Variants in SEL1L2 observed in about 807,000 individuals in gnomAD.
SEL1L2 encodes SEL1L2 adaptor subunit of SYVN1 ubiquitin ligase, also known as protein sel-1 homolog 2.
In SEL1L2, 89 loss-of-function variants were observed where a neutral mutation model predicts 98.8. That is an observed-to-expected ratio of 0.90 (90% confidence interval 0.76 to 1.07). SEL1L2 has a LOEUF of 1.07. Among genes scored for constraint, SEL1L2 ranks in the 50% least tolerant of loss-of-function variants. SEL1L2 has a pLI of 0.00. For missense variants in SEL1L2, 788 were observed against 812.0 expected (o/e 0.97, Z 0.36); for synonymous variants, 262 against 278.5 (o/e 0.94, Z 0.59).
chr20:13,970,097 A>G (rs1729355058), intron 1 of SEL1L2, among the ~76,000 whole-genome samples: 1 of 152,054 alleles, frequency 6.6e-6, no homozygotes, highest in Non-Finnish European at 1.5e-5. Context: ...TGTTTGATTA[A>G]ATACTTTTAT....
chr20:13,920,315 A>C (rs971666243), intron 3 of SEL1L2, among the ~76,000 whole-genome samples: 1 of 152,078 alleles, frequency 6.6e-6, no homozygotes, highest in Non-Finnish European at 1.5e-5. Flanking sequence ...CAGAGACAGA[A>C]TACTCATGAT....
At chr20:13,874,101 A>G (rs566092600) in intron 12 of SEL1L2, among the ~76,000 whole-genome samples, 1 of 152,144 alleles carries the variant, frequency 6.6e-6, no homozygotes, top group Non-Finnish European at 1.5e-5. Flanking sequence ...GCAGATGACA[A>G]AAGTATGGAG....
chr20:13,862,685 T>TTTA (rs1414004972), intron 17 of SEL1L2, among the ~76,000 whole-genome samples: 6 of 151,372 alleles, frequency 4.0e-5, no homozygotes, highest in East Asian at 1.9e-4. Context: ...ATTATTATTA[T>TTTA]TTATTATTAT....
At chr20:13,863,423 A>T (rs1990486507) in intron 17 of SEL1L2, among the ~76,000 whole-genome samples, 1 of 152,160 alleles carries the variant, frequency 6.6e-6, no homozygotes, top group Non-Finnish European at 1.5e-5. Flanking sequence ...CTGACAGTGG[A>T]GGGATTTCCA....
chr20:13,853,478 T>C (rs1437637105), intron 18 of SEL1L2, among the ~76,000 whole-genome samples: 1 of 152,158 alleles, frequency 6.6e-6, no homozygotes. Context: ...CCTCTCAAAG[T>C]ACTGGGATTA....
At position 13,861,552 on chromosome 20, in the gene SEL1L2, C is replaced by G. The variant is rs1811908380; in HGVS notation, c.1646-2118G>C. Among the ~76,000 whole-genome samples the G allele has an allele frequency of 2.0e-5, 3 of 152,100 alleles. No individual in the cohort carries two copies. In the South Asian group the frequency reaches 6.2e-4, roughly 31 times the overall value. ...ATCCAATTTACCCATTTAAAGGGTA[C>G]AGTCAAATGGTTTTTCATATATTCA... On this transcript the variant is annotated intron_variant, in intron 17 of 19. Coordinates refer to ENST00000284951, the MANE Select transcript of SEL1L2 (RefSeq NM_025229.2).
intron 5 of SEL1L2, among the ~76,000 whole-genome samples, chr20:13,895,164 C>A: frequency 6.6e-6 from 1 of 152,220 alleles, no homozygotes; most frequent in East Asian, 1.9e-4. Context: ...GTCAATCAGG[C>A]TGGAGCAGTG....
intron 18 of SEL1L2, among the ~76,000 whole-genome samples, 172 bp downstream of exon 18, chr20:13,859,090 T>G (rs1989633439): frequency 6.6e-6 from 1 of 152,232 alleles, no homozygotes; most frequent in African/African-American, 2.4e-5. Context: ...TCTCATAAGG[T>G]TCATATTAGG....
intron 3 of SEL1L2, among the ~76,000 whole-genome samples, chr20:13,924,996 G>A (rs550460182): frequency 1.4e-4 from 22 of 151,962 alleles, no homozygotes; most frequent in Non-Finnish European, 2.4e-4. Flanking sequence ...AAAATTAGCC[G>A]GGCATAGTGG....
chr20:13,865,198 C>A lies in SEL1L2; in HGVS notation c.1614G>T (p.Ala538=), dbSNP rs368728589. The change falls in exon 17 of 20, where the codon GCG becomes GCT. Residue 538 remains alanine, a synonymous_variant. Transcript: ENST00000284951. ...TGGCAGCTCGATTCCATAGGAGAAG[C>A]GCCATTGGATACATCTTCTCTTTTT... is the stretch of plus-strand genomic sequence containing the variant. The part of the protein sequence containing the change: ...ILEKEKMYPM[A]LLLWNRAAIQ... The A allele has an allele frequency of 1.2e-6, 2 of 1,613,342 alleles. No individual in the cohort carries two copies. Among genetic ancestry groups the A allele is most frequent in the African/African-American group, 1.3e-5 (1 of 74,904 alleles).
chr20:13,980,604 T>G (rs1328313716), intron 1 of SEL1L2, among the ~76,000 whole-genome samples: 1 of 152,172 alleles, frequency 6.6e-6, no homozygotes, highest in African/African-American at 2.4e-5. Flanking sequence ...AAGAAAAGAA[T>G]TGGCATATGA....
chr20:13,953,573 T>C (rs1320364747), intron 2 of SEL1L2, among the ~76,000 whole-genome samples: 1 of 152,160 alleles, frequency 6.6e-6, no homozygotes, highest in African/African-American at 2.4e-5. Context: ...GGCTGCATAC[T>C]GGGTGAATGA....
chr20:13,927,331 T>C (rs978876088), intron 3 of SEL1L2, among the ~76,000 whole-genome samples: 1 of 152,244 alleles, frequency 6.6e-6, no homozygotes, highest in Non-Finnish European at 1.5e-5. Flanking sequence ...CAAATATTTC[T>C]TCATTCCAAC....
At chr20:13,868,442 T>C (rs1189898825) in intron 14 of SEL1L2, among the ~76,000 whole-genome samples, 1 of 152,108 alleles carries the variant, frequency 6.6e-6, no homozygotes, top group Non-Finnish European at 1.5e-5. Flanking sequence ...GTTCCTTCTC[T>C]TTCCTTCCCT....
intron 2 of SEL1L2, among the ~76,000 whole-genome samples, chr20:13,946,949 A>G (rs944827740): frequency 6.6e-6 from 1 of 152,090 alleles, no homozygotes; most frequent in Non-Finnish European, 1.5e-5. Flanking sequence ...AGGGAGGCCG[A>G]GGGGGTACTG....
chr20:13,884,272 G>A (rs2046841131), intron 10 of SEL1L2, among the ~76,000 whole-genome samples: 1 of 152,024 alleles, frequency 6.6e-6, no homozygotes, highest in Non-Finnish European at 1.5e-5. Context: ...CAAGGAGCAT[G>A]TGGCTCCTAT....
At chr20:13,957,160 G>A (rs1216143540) in intron 1 of SEL1L2, among the ~76,000 whole-genome samples, 1 of 151,256 alleles carries the variant, frequency 6.6e-6, no homozygotes, top group Non-Finnish European at 1.5e-5. Context: ...TGGATGTAGT[G>A]GCACGATATT....
At chr20:13,968,123 T>C (rs529481164) in intron 1 of SEL1L2, among the ~76,000 whole-genome samples, 1 of 152,364 alleles carries the variant, frequency 6.6e-6, no homozygotes, top group South Asian at 2.1e-4. Flanking sequence ...CATTTCCTTC[T>C]TCAAGTGCAA....
At chr20:13,904,386 G>A (rs1021329161) in intron 5 of SEL1L2, among the ~76,000 whole-genome samples, 1 of 152,076 alleles carries the variant, frequency 6.6e-6, no homozygotes, top group Non-Finnish European at 1.5e-5. Flanking sequence ...AACTTAGCTG[G>A]CTGTGGTGGT....
Sources: gnomAD v4.1 joint callset for allele counts (sites outside exome capture counted in the v4.1 genomes callset) on GRCh38, gnomAD v4.1.1 for gene constraint, MANE v1.5 for transcripts, NCBI Gene and HGNC (gene_info 2026-07-23, HGNC 2026-07-21) for gene names.